IGF2BP1: variants seen among roughly 807,000 people sequenced by gnomAD.
The protein encoded by IGF2BP1 is insulin-like growth factor 2 mRNA-binding protein 1.
In IGF2BP1, 11 loss-of-function variants were observed where a neutral mutation model predicts 74.9. The ratio of observed to expected loss-of-function variants is 0.15; its 90% CI spans 0.09 to 0.24. The LOEUF is 0.24. Ranked by LOEUF, IGF2BP1 falls within the 10% of genes least tolerant of loss-of-function variation. The probability of loss-of-function intolerance (pLI) is 1.00; values close to 1 mark genes in which losing one functional copy is unlikely to be tolerated. For synonymous variants in IGF2BP1, 287 were observed against 281.8 expected (o/e 1.02, Z -0.18); for missense variants, 440 against 757.4 (o/e 0.58, Z 4.92).
chr17:49,029,953 A>T (rs778476343), intron 4 of IGF2BP1, among the ~76,000 whole-genome samples: 2 of 151,826 alleles, frequency 1.3e-5, no homozygotes, highest in Admixed American at 1.3e-4. Context: ...ACTGCTTGGG[A>T]TTCTAATGTC....
chr17:49,047,796 C>G (rs946532330), intron 14 of IGF2BP1, among the ~76,000 whole-genome samples: 1 of 151,788 alleles, frequency 6.6e-6, no homozygotes, highest in African/African-American at 2.4e-5. Flanking sequence ...TCACTGCAGC[C>G]TCTACCTCCC....
chr17:49,030,089 T>G (rs1291301303), intron 4 of IGF2BP1, among the ~76,000 whole-genome samples: 1 of 152,032 alleles, frequency 6.6e-6, no homozygotes. Flanking sequence ...TGCAAATTCT[T>G]TTTTTTCTTT....
intron 10 of IGF2BP1, 129 bp downstream of exon 10, chr17:49,043,679 C>A: frequency 8.7e-7 from 1 of 1,148,824 alleles, no homozygotes; most frequent in Non-Finnish European, 1.2e-6. Context: ...GTCTCAGAGG[C>A]ATCCCTCCTC....
chr17:49,040,145 C>T (rs1245022369), intron 7 of IGF2BP1, 54 bp downstream of exon 7: 3 of 1,591,606 alleles, frequency 1.9e-6, no homozygotes, highest in African/African-American at 2.7e-5. Flanking sequence ...AGTTGAGCCT[C>T]CCCAACTCAA....
chr17:49,028,521 A>G (rs894255293), intron 4 of IGF2BP1, among the ~76,000 whole-genome samples: 19 of 152,192 alleles, frequency 1.2e-4, no homozygotes, highest in Non-Finnish European at 2.2e-4. Flanking sequence ...TAGACTAATG[A>G]ATAAGTTACT....
At chr17:49,014,798 G>T (rs1290623853) in intron 2 of IGF2BP1, 4 of 985,282 alleles carry the variant, frequency 4.1e-6, no homozygotes, top group Non-Finnish European at 4.8e-6. Flanking sequence ...GGACCCCGAG[G>T]AGCACGGGGA....
At chr17:49,029,046 C>A (rs987566715) in intron 4 of IGF2BP1, among the ~76,000 whole-genome samples, 5 of 152,188 alleles carry the variant, frequency 3.3e-5, no homozygotes, top group African/African-American at 1.2e-4. Flanking sequence ...ACCTTGTGAT[C>A]CGCCCACCTC....
chr17:49,034,745 C>CAAA (rs2041965031), intron 5 of IGF2BP1, among the ~76,000 whole-genome samples: 1 of 119,694 alleles, frequency 8.4e-6, no homozygotes, highest in African/African-American at 3.7e-5. Context: ...TCAAAAAAAA[C>CAAA]ACAAAAAAAA....
intron 13 of IGF2BP1, 100 bp downstream of exon 13, chr17:49,046,121 T>C: frequency 6.6e-7 from 1 of 1,504,590 alleles, no homozygotes; most frequent in South Asian, 1.2e-5. Context: ...ACTCCTGATT[T>C]GCTCATTTAC....
intron 2 of IGF2BP1, among the ~76,000 whole-genome samples, chr17:49,006,498 T>G (rs192919673): frequency 3.9e-5 from 6 of 152,310 alleles, no homozygotes; most frequent in African/African-American, 1.4e-4. Context: ...ATTATTTTGT[T>G]GTAGATATTG....
At chr17:49,034,735 TCAAAAAAAACA>T (rs1046293377) in intron 5 of IGF2BP1, among the ~76,000 whole-genome samples, 1 of 119,568 alleles carries the variant, frequency 8.4e-6, no homozygotes, top group Non-Finnish European at 1.7e-5. Context: ...AGACCCTGTC[TCAAAAAAAACA>T]CAAAAAAAAC....
At position 49,026,542 on chromosome 17, in the gene IGF2BP1, G is replaced by A. The variant is rs1349551020; in HGVS notation, c.337+25G>A. On this transcript the variant is annotated intron_variant, in intron 4 of 14. Transcript: ENST00000290341. ...GGTAAGAGTGGGCCGGGTGTGGGGT[G>A]GCACTCGTGGTGGGGGTTGGAGGAG... 8 of 1,608,588 alleles carry A rather than the reference G, an allele frequency of 5.0e-6. No homozygotes were observed. In the East Asian group the frequency reaches 1.1e-4, roughly 22 times the overall value.
At chr17:49,026,158 C>T (rs370349243) in intron 3 of IGF2BP1, among the ~76,000 whole-genome samples, 1 of 152,110 alleles carries the variant, frequency 6.6e-6, no homozygotes, top group Non-Finnish European at 1.5e-5. Flanking sequence ...TGGTGAGAGA[C>T]ATTAGGGAGG....
intron 4 of IGF2BP1, among the ~76,000 whole-genome samples, chr17:49,031,321 C>T (rs960966091): frequency 6.6e-6 from 1 of 151,998 alleles, no homozygotes; most frequent in African/African-American, 2.4e-5. Flanking sequence ...GTTGACCAGG[C>T]TGGTCTCCCA....
chr17:49,014,710 C>T (rs2041671015), intron 2 of IGF2BP1: 2 of 929,192 alleles, frequency 2.2e-6, no homozygotes, highest in Admixed American at 1.2e-4. Flanking sequence ...TACTGCGCAG[C>T]GGCCGCCACT....
intron 2 of IGF2BP1, among the ~76,000 whole-genome samples, chr17:49,003,810 G>A (rs1188043039): frequency 2.2e-5 from 3 of 136,056 alleles, no homozygotes; most frequent in African/African-American, 5.4e-5. Context: ...AGGGAGGGGA[G>A]ATACGGGGTT....
rs530540720 is a variant in IGF2BP1, at chr17:49,054,600, CCTCT to C, written c.*5160_*5163del. 6 of 152,336 alleles carry C rather than the reference CCTCT, an allele frequency of 3.9e-5. No individual in the cohort carries two copies. Among genetic ancestry groups the C allele is most frequent in the Non-Finnish European group, 7.3e-5 (5 of 68,180 alleles). The allele number at this position is 152,336 out of a possible 1,614,324, so 9.4% of individuals were successfully genotyped here. A position where few individuals can be genotyped will look rare whatever the true frequency, so the allele number is the denominator to read the frequency against. ...TCACCCCTTTGGCCTCCAGCTTGTC[CCTCT>C]CTCACTTTCTATAGCTTTGTTGGAC... is the stretch of plus-strand genomic sequence containing the variant. On this transcript the variant is annotated 3_prime_UTR_variant, in exon 15 of 15. Coordinates refer to ENST00000290341, the MANE Select transcript of IGF2BP1 (RefSeq NM_006546.4).
intron 4 of IGF2BP1, among the ~76,000 whole-genome samples, chr17:49,029,635 T>C (rs2041899108): frequency 1.3e-5 from 2 of 152,134 alleles, no homozygotes; most frequent in South Asian, 4.1e-4. Flanking sequence ...TGTATTTATT[T>C]ATTTATTTTA....
At chr17:49,032,006 TGGGG>T in intron 5 of IGF2BP1, 33 bp downstream of exon 5, 1 of 899,366 alleles carries the variant, frequency 1.1e-6, no homozygotes, top group Non-Finnish European at 1.8e-6. Context: ...CTGGGTGCGG[TGGGG>T]GGGGGTTCTG....
Sources: allele counts gnomAD v4.1 joint callset (sites outside exome capture counted in the v4.1 genomes callset), GRCh38; gene constraint gnomAD v4.1.1; transcripts MANE v1.5; gene names NCBI Gene and HGNC (gene_info 2026-07-23, HGNC 2026-07-21).